The following KIF20B variants were observed in gnomAD, a reference collection of about 807,000 sequenced individuals.
The protein encoded by KIF20B is kinesin family member 20B.
KIF20B carries 188 observed loss-of-function variants against 232.5 expected under a neutral mutation model. The ratio of observed to expected loss-of-function variants is 0.81; its 90% CI spans 0.72 to 0.91. The LOEUF is 0.91. Among genes scored for constraint, KIF20B ranks in the 40% least tolerant of loss-of-function variants. The probability of loss-of-function intolerance (pLI) is 0.00; values close to 1 mark genes in which losing one functional copy is unlikely to be tolerated. For synonymous variants in KIF20B, 712 were observed against 683.0 expected, an observed-to-expected ratio of 1.04 and a Z score of -0.66; for missense variants, 2,154 against 2,055.9, an observed-to-expected ratio of 1.05 and a Z score of -0.92.
In KIF20B at chr10:89,717,476, CGT is replaced by C; in HGVS notation, c.1108_1109del (p.Val370AsnfsTer5). On this transcript the variant is annotated frameshift_variant, in exon 10 of 33. Coordinates refer to ENST00000371728, the MANE Select transcript of KIF20B (RefSeq NM_001284259.2). LOFTEE classifies it high-confidence loss of function. ...ILQIEDSEMS[R>X]VIRVSELSLC... ...ACAGATTGAAGATTCTGAAATGTCT[CGT>C]GTAATTCGAGTCAGTGAGTAAGTTG... The C allele has an allele frequency of 6.3e-7, 1 of 1,596,778 alleles. No homozygotes were observed. The highest frequency in any genetic ancestry group is 2.2e-5 in the East Asian group (1 of 44,522).
In KIF20B at chr10:89,774,086, A is replaced by G. The variant is rs1564678884; in HGVS notation, c.*38A>G. 7.6e-7 allele frequency: 1 copy of G among 1,316,372 alleles called. No individual in the cohort carries two copies. The highest frequency in any genetic ancestry group is 2.4e-5 in the East Asian group (1 of 42,132). The allele number at this position is 1,316,372 out of a possible 1,614,324, so 81.5% of individuals were successfully genotyped here. A position where few individuals can be genotyped will look rare whatever the true frequency, so the allele number is the denominator to read the frequency against. On this transcript the variant is annotated 3_prime_UTR_variant, in exon 33 of 33. Transcript: ENST00000371728. ...AATGTTTAATATAAATTTTATAGTC[A>G]TAGTCATTGGAACTTGCATCCTGTA...
Position 89,714,939 on chromosome 10 carries a change from T to C in KIF20B, c.713-16T>C, listed in dbSNP as rs1434567597. 21 of 1,426,076 alleles carry C rather than the reference T, an allele frequency of 1.5e-5. No homozygotes were observed. Among genetic ancestry groups the C allele is most frequent in the Non-Finnish European group, 1.8e-5 (19 of 1,051,686 alleles). 88.3% of individuals were successfully genotyped at this position (1,426,076 alleles called of 1,614,324 possible). A position where few individuals can be genotyped will look rare whatever the true frequency, so the allele number is the denominator to read the frequency against. ...CTTACTTTCGTGATTGTTTTTTCTT[T>C]TTCTTTTTTTTGTAGGAAGTTTAAC... is the stretch of plus-strand genomic sequence containing the variant. On this transcript the variant is annotated splice_polypyrimidine_tract_variant and intron_variant, in intron 7 of 32. Coordinates refer to ENST00000371728, the MANE Select transcript of KIF20B (RefSeq NM_001284259.2).
chr10:89,736,833 A>G (rs1216640709), intron 19 of KIF20B, among the ~76,000 whole-genome samples: 1 of 152,140 alleles, frequency 6.6e-6, no homozygotes, highest in East Asian at 1.9e-4. Flanking sequence ...AGTATGAAGC[A>G]GTTTATTAAT....
At chr10:89,766,686 A>G (rs950458821) in intron 29 of KIF20B, among the ~76,000 whole-genome samples, 11 of 152,082 alleles carry the variant, frequency 7.2e-5, no homozygotes, top group Non-Finnish European at 8.8e-5. Flanking sequence ...AGAGTAGTAT[A>G]TTTTCAAGCT....
At chr10:89,727,195 T>A (rs1442645052) in intron 16 of KIF20B, among the ~76,000 whole-genome samples, 2 of 152,034 alleles carry the variant, frequency 1.3e-5, no homozygotes, top group Non-Finnish European at 2.9e-5. Context: ...TGGTTTAAAG[T>A]AATTTGTTAG....
intron 26 of KIF20B, among the ~76,000 whole-genome samples, chr10:89,757,949 A>T (rs1231483754): frequency 6.6e-6 from 1 of 151,402 alleles, no homozygotes; most frequent in African/African-American, 2.4e-5. Flanking sequence ...GCATTTGTAG[A>T]TCGTCTCTTC....
At chr10:89,744,741 G>A (rs1359712393) in intron 22 of KIF20B, among the ~76,000 whole-genome samples, 2 of 152,028 alleles carry the variant, frequency 1.3e-5, no homozygotes, top group East Asian at 3.8e-4. Flanking sequence ...TTTCATGTTT[G>A]CTTTTAAATG....
Position 89,723,974 on chromosome 10 carries a change from A to C in KIF20B, c.1733A>C (p.Asp578Ala), listed in dbSNP as rs754987089. The change falls in exon 14 of 33, where the codon GAC becomes GCC. Residue 578 changes from aspartate to alanine, a missense_variant. Coordinates refer to ENST00000371728, the MANE Select transcript of KIF20B (RefSeq NM_001284259.2). ...ISHEEKRKLL[D>A]LIEDLKKKLI... ...ATTTACATGTAATAGAAACTGTTGG[A>C]CTTAATAGAAGACTTGAAAAAAAAA... is the stretch of plus-strand genomic sequence containing the variant. The C allele has an allele frequency of 1.3e-6, 2 of 1,551,240 alleles. No homozygotes were observed. Among genetic ancestry groups the C allele is most frequent in the African/African-American group, 1.4e-5 (1 of 71,556 alleles).
intron 31 of KIF20B, 48 bp downstream of exon 31, chr10:89,768,936 A>T: frequency 7.0e-7 from 1 of 1,431,182 alleles, no homozygotes; most frequent in Non-Finnish European, 9.6e-7. Context: ...GATGTTGGGT[A>T]TATTTTAATA....
chr10:89,715,179 A>G lies in KIF20B; in HGVS notation c.937A>G (p.Lys313Glu), dbSNP rs1842913757. The change falls in exon 8 of 33, where the codon AAA becomes GAA. Residue 313 changes from lysine (K) to glutamate (E), a missense_variant. Lys to Glu is a moderately conservative substitution (Grantham distance 56). Transcript: ENST00000371728. Reference protein sequence around the residue: ...SQDVKGYSFIKDLQWIQVSDS... With the variant: ...SQDVKGYSFIEDLQWIQVSDS... The stretch of plus-strand genomic sequence containing the variant: ...AGACGTAAAGGGCTATTCTTTTATA[A>G]AAGGTATACTAATGAATATTTTTAT... 1 of 1,566,872 alleles carries G rather than the reference A, an allele frequency of 6.4e-7. No homozygotes were observed. Among genetic ancestry groups the G allele is most frequent in the African/African-American group, 1.4e-5 (1 of 73,270 alleles).
rs2133085892 is a variant in KIF20B, at chr10:89,711,025, A to C, written c.555A>C (p.Glu185Asp). 1.2e-6 allele frequency: 2 copies of C among 1,610,342 alleles called. No homozygotes were observed. The highest frequency in any genetic ancestry group is 1.7e-6 in the Non-Finnish European group (2 of 1,178,284). The change falls in exon 6 of 33, where the codon GAA (glutamate) becomes GAC (aspartate). Residue 185 changes from glutamate to aspartate, a missense_variant. By Grantham distance (45) the Glu-to-Asp change is conservative. Coordinates refer to ENST00000371728, the MANE Select transcript of KIF20B (RefSeq NM_001284259.2). ...TLNVLFDSLQERLYTKMNLKP... is the reference protein window; with the variant it reads ...TLNVLFDSLQDRLYTKMNLKP... Reference sequence around the variant, plus strand: ...ATGTATTATTTGATAGTCTTCAAGAAAGACTGTATACAAAGATGAACCTTA... The same window carrying C: ...ATGTATTATTTGATAGTCTTCAAGACAGACTGTATACAAAGATGAACCTTA...
In KIF20B at chr10:89,709,457, C is replaced by A. The variant is rs376346565; in HGVS notation, c.347C>A (p.Ser116Tyr). 6.2e-7 allele frequency: 1 copy of A among 1,604,508 alleles called. No homozygotes were observed. The highest frequency in any genetic ancestry group is 1.7e-5 in the Admixed American group (1 of 59,604). Reference protein sequence around the residue: ...SGQMAQKFSFSKVFGPATTQK... With the variant: ...SGQMAQKFSFYKVFGPATTQK... ...CAGATGGCACAGAAATTCAGTTTTT[C>A]CAAGGTAAAACTGAAGTGTTTTTGT... Residue 116 changes from serine (S) to tyrosine (Y), a missense_variant, in exon 4 of 33, where the codon TCC becomes TAC. By Grantham distance (144) the Ser-to-Tyr change is moderately radical. Coordinates refer to ENST00000371728, the MANE Select transcript of KIF20B (RefSeq NM_001284259.2).
rs1843003014 is a variant in KIF20B at position 89,719,484 on chromosome 10, A to C, written c.1500A>C (p.Gln500His). The change falls in exon 13 of 33, where the codon CAA becomes CAC. Residue 500 changes from glutamine (Q) to histidine (H), a missense_variant. By Grantham distance (24) the Gln-to-His change is conservative. Coordinates refer to ENST00000371728, the MANE Select transcript of KIF20B (RefSeq NM_001284259.2). Reference sequence around the variant, plus strand: ...TATTTGGACCTGTCAAATCTTCTCAAGATGTATCACTAGACAGTAATTCAA... The same window carrying C: ...TATTTGGACCTGTCAAATCTTCTCACGATGTATCACTAGACAGTAATTCAA... ...EKLFGPVKSSQDVSLDSNSNS... is the reference protein window; with the variant it reads ...EKLFGPVKSSHDVSLDSNSNS... 1 of 1,607,466 alleles carries C rather than the reference A, an allele frequency of 6.2e-7. No homozygotes were observed. Among genetic ancestry groups the C allele is most frequent in the Admixed American group, 1.7e-5 (1 of 59,284 alleles).
chr10:89,767,113 TA>T (rs1842378052), intron 29 of KIF20B, among the ~76,000 whole-genome samples: 1 of 151,960 alleles, frequency 6.6e-6, no homozygotes. Flanking sequence ...ACTGCTATAA[TA>T]AACTAAGTAC....
chr10:89,705,905 G>A (rs1589848817), intron 2 of KIF20B, among the ~76,000 whole-genome samples: 1 of 152,234 alleles, frequency 6.6e-6, no homozygotes, highest in Admixed American at 6.5e-5. Flanking sequence ...GTGCAGATAT[G>A]CCACATTTCC....
chr10:89,739,193 T>G (rs1841739668), intron 21 of KIF20B, 97 bp downstream of exon 21: 1 of 1,269,326 alleles, frequency 7.9e-7, no homozygotes, highest in African/African-American at 1.5e-5. Context: ...AATAGAACAT[T>G]TATCCACTTT....
chr10:89,748,790 T>G (rs1469623551), intron 23 of KIF20B, among the ~76,000 whole-genome samples: 2 of 152,206 alleles, frequency 1.3e-5, no homozygotes, highest in Non-Finnish European at 2.9e-5. Flanking sequence ...GTTTTTATCA[T>G]ATTTTAATTT....
chr10:89,709,210 G>A lies in KIF20B; in HGVS notation c.191G>A (p.Arg64Gln), dbSNP rs201280490. The change falls in exon 3 of 33, where the codon CGA (arginine) becomes CAA (glutamine). Residue 64 changes from arginine to glutamine, a missense_variant. Transcript: ENST00000371728. ...AAAGATTATCTCCAGGTTTGTCTTCGAATAAGACCATTTACACAGTCAGAA... is the reference window on the plus strand; with the variant it reads ...AAAGATTATCTCCAGGTTTGTCTTCAAATAAGACCATTTACACAGTCAGAA... ...ESKDYLQVCL[R>Q]IRPFTQSEKE... 3.7e-6 allele frequency: 6 copies of A among 1,610,918 alleles called. No homozygotes were observed. Among genetic ancestry groups the A allele is most frequent in the East Asian group, 4.5e-5 (2 of 44,750 alleles).
intron 25 of KIF20B, among the ~76,000 whole-genome samples, chr10:89,753,137 A>G (rs936722120): frequency 2.0e-5 from 3 of 152,152 alleles, no homozygotes; most frequent in Non-Finnish European, 4.4e-5. Flanking sequence ...TATAGAAGGT[A>G]TTCTATTTTG....
Sources: gnomAD v4.1 joint callset for allele counts (sites outside exome capture counted in the v4.1 genomes callset) on GRCh38, gnomAD v4.1.1 for gene constraint, MANE v1.5 for transcripts, NCBI Gene and HGNC (gene_info 2026-07-23, HGNC 2026-07-21) for gene names.